MORC3: variants seen among roughly 807,000 people sequenced by gnomAD.
MORC3 encodes MORC family CW-type zinc finger protein 3.
MORC3 carries 31 observed loss-of-function variants against 109.1 expected under a neutral mutation model. That is an observed-to-expected ratio of 0.28 (90% CI 0.21 to 0.38). MORC3 has a LOEUF of 0.38. MORC3 is among the 10% of genes least tolerant of loss of function. The probability of loss-of-function intolerance (pLI) is 1.00; values close to 1 mark genes in which losing one functional copy is unlikely to be tolerated. For synonymous variants in MORC3, 395 were observed against 380.7 expected, an observed-to-expected ratio of 1.04 and a Z score of -0.44; for missense variants, 867 against 1,135.8, an observed-to-expected ratio of 0.76 and a Z score of 3.40.
At chr21:36,337,113 A>C in intron 3 of MORC3, 107 bp downstream of exon 3, 1 of 1,312,766 alleles carries the variant, frequency 7.6e-7, no homozygotes, top group Non-Finnish European at 1.0e-6. Flanking sequence ...GAAATGCTGT[A>C]TGTACAGTGT....
At chr21:36,370,637 ATATTTTTTTTTTTTTTTT>A (rs1321391976) in intron 15 of MORC3, among the ~76,000 whole-genome samples, 65 of 28,680 alleles carry the variant, frequency 2.3e-3, no homozygotes, top group Non-Finnish European at 3.7e-3. Flanking sequence ...ATATATATAT[ATATTTTTTTTTTTTTTTT>A]TTTTTTTTTT....
At chr21:36,355,783 A>G (rs1344137930) in intron 9 of MORC3, among the ~76,000 whole-genome samples, 3 of 151,670 alleles carry the variant, frequency 2.0e-5, no homozygotes, top group South Asian at 4.2e-4. Flanking sequence ...CCCTGTCTCT[A>G]CAAAAAATGA....
chr21:36,345,480 G>T (rs545047786), intron 8 of MORC3, among the ~76,000 whole-genome samples: 1 of 151,504 alleles, frequency 6.6e-6, no homozygotes, highest in East Asian at 1.9e-4. Flanking sequence ...GGAGTGCAGT[G>T]GCGATATCTC....
Position 36,325,593 on chromosome 21 carries a change from C to T in MORC3, c.39+5290C>T, listed in dbSNP as rs148283661. ...TTGTTGGGAAACTAAAACCCTGTTC[C>T]CGTTAAATAGTAACTTCTCCAGCAC... On this transcript the variant is annotated intron_variant, in intron 1 of 16. Coordinates refer to ENST00000400485, the MANE Select transcript of MORC3 (RefSeq NM_015358.3). Among the ~76,000 whole-genome samples, 6 of 152,344 alleles carry T rather than the reference C, an allele frequency of 3.9e-5. No individual in the cohort carries two copies. In the East Asian group the frequency reaches 9.6e-4, roughly 24 times the overall value.
chr21:36,327,533 G>A (rs764104199), intron 1 of MORC3, among the ~76,000 whole-genome samples: 12 of 151,166 alleles, frequency 7.9e-5, no homozygotes, highest in Non-Finnish European at 1.5e-5. Context: ...GAGGAGGCTG[G>A]CTTTGTAGAC....
chr21:36,368,870 C>A, intron 14 of MORC3, 118 bp from the exon 15 acceptor site: 3 of 942,318 alleles, frequency 3.2e-6, no homozygotes, highest in Non-Finnish European at 4.6e-6. Flanking sequence ...GAGTGACACT[C>A]CATCTCAAAA....
In MORC3 at chr21:36,320,292, C is replaced by T; in HGVS notation, c.28C>T (p.Arg10Cys). Residue 10 changes from arginine to cysteine, a missense_variant, in exon 1 of 17, where the codon CGC becomes TGC. Arg to Cys is a radical substitution (Grantham distance 180). Transcript: ENST00000400485. Reference sequence around the variant, plus strand: ...GGCGGCGCAGCCACCCCGCGGGATACGCCTCAGCGCGGTGAGCAGCCGCGA... The same window carrying T: ...GGCGGCGCAGCCACCCCGCGGGATATGCCTCAGCGCGGTGAGCAGCCGCGA... The part of the protein sequence containing the change: MAAQPPRGI[R>C]LSALCPKFLH... The T allele has an allele frequency of 6.4e-7, 1 of 1,562,362 alleles. No homozygotes were observed.
In MORC3 at chr21:36,353,755, A is replaced by ATT. The variant is rs1202729285; in HGVS notation, c.1104-2844_1104-2843dup. On this transcript the variant is annotated intron_variant, in intron 9 of 16. Transcript: ENST00000400485. ...GCCACCAAGCCCGGCTAATTTTTGT[A>ATT]TTTTTTTTTTTTTTTTTTTTTTAGT... Among the ~76,000 whole-genome samples, 430 of 70,992 alleles carry ATT rather than the reference A, an allele frequency of 6.1e-3. 26 individuals carry two copies. Among genetic ancestry groups the ATT allele is most frequent in the African/African-American group, 0.028 (413 of 14,924 alleles). The allele number at this position is 70,992 out of a possible 152,430, so 46.6% of individuals were successfully genotyped here. A position where few individuals can be genotyped will look rare whatever the true frequency, so the allele number is the denominator to read the frequency against.
chr21:36,358,826 C>T (rs2085678413), intron 10 of MORC3, among the ~76,000 whole-genome samples: 1 of 151,858 alleles, frequency 6.6e-6, no homozygotes, highest in African/African-American at 2.4e-5. Context: ...ACTACAGGAA[C>T]CCGCCATCAC....
rs754574123 is a variant in MORC3 at position 36,372,469 on chromosome 21, G to A, written c.2604G>A (p.Thr868=). ...VEQLKSTNQQ[T]ATDVSTSSNI... ...AGTTAAAATCTACAAATCAACAGAC[G>A]GCAACAGATGTTTCAACATCAAGTA... The change falls in exon 16 of 17, where the codon ACG becomes ACA. Residue 868 remains threonine, a synonymous_variant. Coordinates refer to ENST00000400485, the MANE Select transcript of MORC3 (RefSeq NM_015358.3). The A allele has an allele frequency of 5.3e-5, 86 of 1,608,976 alleles. No individual in the cohort carries two copies. The highest frequency in any genetic ancestry group is 1.7e-4 in the Middle Eastern group (1 of 6,058).
chr21:36,368,901 A>G (rs1204951218), intron 14 of MORC3, 87 bp from the exon 15 acceptor site: 4 of 1,258,198 alleles, frequency 3.2e-6, no homozygotes, highest in Non-Finnish European at 4.3e-6. Flanking sequence ...CTGTTACAAT[A>G]CTGCATTTGT....
At chr21:36,323,891 T>C (rs56111673) in intron 1 of MORC3, among the ~76,000 whole-genome samples, 7,822 of 152,120 alleles carry the variant, frequency 0.051, 264 homozygotes, top group Middle Eastern at 0.11. Context: ...TTTTTTTTTT[T>C]AGAGACGGAG....
intron 9 of MORC3, among the ~76,000 whole-genome samples, chr21:36,349,857 G>T (rs1201468522): frequency 2.0e-5 from 3 of 152,186 alleles, no homozygotes; most frequent in Non-Finnish European, 4.4e-5. Flanking sequence ...TATGTTGTTG[G>T]AGCTAGCAGA....
At position 36,369,767 on chromosome 21, in the gene MORC3, G is replaced by A. The variant is rs370564418; in HGVS notation, c.2399G>A (p.Cys800Tyr). ...CATGTAAAGGCTGAATGCAGCCAGTGTTCCAATAATGAGAGTAAAAGTGAA... is the reference window on the plus strand; with the variant it reads ...CATGTAAAGGCTGAATGCAGCCAGTATTCCAATAATGAGAGTAAAAGTGAA... ...LQHVKAECSQ[C>Y]SNNESKSEMD... The change falls in exon 15 of 17, where the codon TGT becomes TAT. Residue 800 changes from cysteine (C) to tyrosine (Y), a missense_variant. Physicochemically the swap from Cys to Tyr is radical, Grantham distance 194 (BLOSUM62 -2). Transcript: ENST00000400485. 3.5e-5 allele frequency: 57 copies of A among 1,614,096 alleles called. No individual in the cohort carries two copies. The highest frequency in any genetic ancestry group is 4.6e-5 in the Non-Finnish European group (54 of 1,180,046).
At chr21:36,373,814 A>C (rs982183536) in intron 16 of MORC3, among the ~76,000 whole-genome samples, 1 of 152,142 alleles carries the variant, frequency 6.6e-6, no homozygotes, top group African/African-American at 2.4e-5. Flanking sequence ...ATATGGACTT[A>C]TTATATTGTA....
At chr21:36,368,684 C>A (rs564135972) in intron 14 of MORC3, among the ~76,000 whole-genome samples, 2 of 152,254 alleles carry the variant, frequency 1.3e-5, no homozygotes, top group South Asian at 4.2e-4. Context: ...TGAGACCAGC[C>A]TGGGCAACAT....
chr21:36,365,683 C>T (rs982600060), intron 14 of MORC3, among the ~76,000 whole-genome samples: 2 of 152,120 alleles, frequency 1.3e-5, no homozygotes, highest in Non-Finnish European at 2.9e-5. Flanking sequence ...CTGGTTCATG[C>T]GATTCCCCCA....
chr21:36,351,966 G>C (rs1466154151), intron 9 of MORC3, among the ~76,000 whole-genome samples: 2 of 152,118 alleles, frequency 1.3e-5, no homozygotes, highest in African/African-American at 4.8e-5. Context: ...CAAGAGTACA[G>C]GAAAGGAAAT....
chr21:36,372,434 GAAGTAGAA>G lies in MORC3; in HGVS notation c.2570_2577del (p.Glu857AlafsTer18). The G allele has an allele frequency of 6.2e-7, 1 of 1,606,658 alleles. No individual in the cohort carries two copies. The highest frequency in any genetic ancestry group is 8.5e-7 in the Non-Finnish European group (1 of 1,178,602). On this transcript the variant is annotated frameshift_variant, in exon 16 of 17. Coordinates refer to ENST00000400485, the MANE Select transcript of MORC3 (RefSeq NM_015358.3). LOFTEE classifies it high-confidence loss of function. ...TTCACAGTGTGAAGAACTCAAAACTGAAGTAGAACAGTTAAAATCTACAAATCAACAGA... is the reference window on the plus strand; with the variant it reads ...TTCACAGTGTGAAGAACTCAAAACTGCAGTTAAAATCTACAAATCAACAGA...
Sources: gnomAD v4.1 joint callset for allele counts (sites outside exome capture counted in the v4.1 genomes callset) on GRCh38, gnomAD v4.1.1 for gene constraint, MANE v1.5 for transcripts, NCBI Gene and HGNC (gene_info 2026-07-23, HGNC 2026-07-21) for gene names.